Variants in SEPTIN9 observed in about 807,000 individuals in gnomAD.
The protein encoded by SEPTIN9 is septin 9, also known as septin-9.
Under a neutral mutation model 56.6 loss-of-function variants are expected in SEPTIN9, and 13 were observed. The observed-to-expected ratio is 0.23, with a 90% confidence interval of 0.15 to 0.37. SEPTIN9 has a LOEUF of 0.37. Ranked by LOEUF, SEPTIN9 falls within the 10% of genes least tolerant of loss-of-function variation. The probability of loss-of-function intolerance (pLI) is 1.00; values close to 1 mark genes in which losing one functional copy is unlikely to be tolerated. For missense variants in SEPTIN9, 650 were observed against 823.1 expected, an observed-to-expected ratio of 0.79 and a Z score of 2.57; for synonymous variants, 332 against 334.1, an observed-to-expected ratio of 0.99 and a Z score of 0.07.
rs935094544 is a variant in SEPTIN9, at chr17:77,329,499, C to A, written c.76+22302C>A. Among the ~76,000 whole-genome samples, 9 of 152,024 alleles carry A rather than the reference C, an allele frequency of 5.9e-5. No individual in the cohort carries two copies. The highest frequency in any genetic ancestry group is 1.7e-4 in the African/African-American group (7 of 41,392). ...TTGGTACACTTGGCCGTGGGTGAGG[C>A]CAAGGTGGTTTGGATCCTGGGAAGG... On this transcript the variant is annotated intron_variant, in intron 2 of 11. Coordinates refer to ENST00000427177, the MANE Select transcript of SEPTIN9 (RefSeq NM_001113491.2). This position sits in a 1 kb window ranked among gnomAD's most constrained non-coding sequence, Gnocchi z 4.3.
At chr17:77,281,614 G>A in intron 1 of SEPTIN9, 60 bp downstream of exon 1, 5 of 1,479,616 alleles carry the variant, frequency 3.4e-6, no homozygotes, top group Non-Finnish European at 3.6e-6. Context: ...CTGCTCACCT[G>A]AGTGCCTGCG....
intron 3 of SEPTIN9, among the ~76,000 whole-genome samples, chr17:77,439,511 G>A (rs1215846297): frequency 6.6e-6 from 1 of 152,178 alleles, no homozygotes; most frequent in Non-Finnish European, 1.5e-5. Flanking sequence ...TTGGCTGGTG[G>A]GCGTCCCCAC....
chr17:77,282,289 T>A (rs1241188678), intron 1 of SEPTIN9, among the ~76,000 whole-genome samples: 13 of 152,078 alleles, frequency 8.5e-5, no homozygotes. Context: ...TCATTATTTG[T>A]CTTTTCCTTC....
intron 2 of SEPTIN9, among the ~76,000 whole-genome samples, chr17:77,307,536 A>C (rs951166325): frequency 1.3e-5 from 2 of 149,940 alleles, no homozygotes; most frequent in African/African-American, 4.9e-5. Flanking sequence ...TGTGCCATGG[A>C]CAGGTGGCTT....
Position 77,490,098 on chromosome 17 carries a change from C to T in SEPTIN9, c.1263-644C>T, listed in dbSNP as rs367546722. ...GGCGTCCAGTCCCATGGGGCAGGGG[C>T]GGGCCTTGGCCATCTCTGCTTAAAC... On this transcript the variant is annotated intron_variant, in intron 7 of 11. Transcript: ENST00000427177. Among the ~76,000 whole-genome samples, 99 of 152,344 alleles carry T rather than the reference C, an allele frequency of 6.5e-4. 1 individual carries two copies. The South Asian group carries it at 0.016, about 25-fold the overall frequency.
At chr17:77,484,436 A>ATGGTGG (rs1359480015) in intron 4 of SEPTIN9, among the ~76,000 whole-genome samples, 1 of 28,922 alleles carries the variant, frequency 3.5e-5, no homozygotes, top group African/African-American at 4.3e-4. Flanking sequence ...GGTGATGGTG[A>ATGGTGG]TGGTGGTGAT....
At chr17:77,282,300 C>CA (rs1555639185) in intron 1 of SEPTIN9, among the ~76,000 whole-genome samples, 3 of 149,652 alleles carry the variant, frequency 2.0e-5, no homozygotes, top group Non-Finnish European at 3.0e-5. Flanking sequence ...CTTTTCCTTC[C>CA]TTTTTTTTTT....
intron 2 of SEPTIN9, among the ~76,000 whole-genome samples, chr17:77,352,405 T>TCAAAAACAAAAACAAAAA (rs57563817): frequency 4.1e-5 from 6 of 147,432 alleles, no homozygotes; most frequent in African/African-American, 1.3e-4. Context: ...AGACTCCGTC[T>TCAAAAACAAAAACAAAAA]CAAAAACAAA....
At chr17:77,345,107 A>G (rs770505109) in intron 2 of SEPTIN9, among the ~76,000 whole-genome samples, 4 of 152,068 alleles carry the variant, frequency 2.6e-5, no homozygotes, top group Non-Finnish European at 4.4e-5. Flanking sequence ...TGAGGTCCCT[A>G]GAGTAGTCAA....
intron 1 of SEPTIN9, among the ~76,000 whole-genome samples, chr17:77,300,139 C>G (rs1420456137): frequency 6.6e-6 from 1 of 152,072 alleles, no homozygotes; most frequent in Non-Finnish European, 1.5e-5. Context: ...GTCTTTTCAC[C>G]CAGGTTGGAG....
At chr17:77,452,075 G>A (rs952117471) in intron 3 of SEPTIN9, among the ~76,000 whole-genome samples, 1 of 152,242 alleles carries the variant, frequency 6.6e-6, no homozygotes, top group Non-Finnish European at 1.5e-5. Flanking sequence ...CTACAGCGCA[G>A]CTCTGGATTC....
At chr17:77,354,001 G>C (rs1233062787) in intron 2 of SEPTIN9, among the ~76,000 whole-genome samples, 2 of 152,172 alleles carry the variant, frequency 1.3e-5, no homozygotes, top group Non-Finnish European at 2.9e-5. Flanking sequence ...AGGGTCCCTA[G>C]AACAAGGCTC....
intron 3 of SEPTIN9, among the ~76,000 whole-genome samples, chr17:77,418,808 G>A (rs971570950): frequency 6.6e-6 from 1 of 152,206 alleles, no homozygotes; most frequent in Non-Finnish European, 1.5e-5. Context: ...AGGTAGTCAT[G>A]TAGGTCTGTG....
chr17:77,324,878 G>T (rs896888537), intron 2 of SEPTIN9, among the ~76,000 whole-genome samples: 1 of 147,194 alleles, frequency 6.8e-6, no homozygotes, highest in Admixed American at 6.9e-5. Context: ...GAGTGCAGTG[G>T]CATGATCTTG....
intron 3 of SEPTIN9, among the ~76,000 whole-genome samples, chr17:77,403,721 C>T (rs1329879511): frequency 1.3e-5 from 2 of 152,240 alleles, no homozygotes; most frequent in Admixed American, 1.3e-4. Flanking sequence ...GGACAAACAG[C>T]ACAGTCTGGG....
chr17:77,390,627 G>T (rs1247159705), intron 2 of SEPTIN9, among the ~76,000 whole-genome samples: 4 of 151,268 alleles, frequency 2.6e-5, no homozygotes, highest in African/African-American at 9.7e-5. Flanking sequence ...AATTTTTTGT[G>T]TTTTTAGTAG....
rs367934946 is a variant in SEPTIN9 at position 77,348,294 on chromosome 17, GTTTTTTT to G, written c.76+41113_76+41119del. Among the ~76,000 whole-genome samples, 8 of 89,752 alleles carry G rather than the reference GTTTTTTT, an allele frequency of 8.9e-5. 1 individual carries two copies. The highest frequency in any genetic ancestry group is 3.2e-4 in the African/African-American group (7 of 22,172). 58.9% of individuals were successfully genotyped at this position (89,752 alleles called of 152,430 possible). ...TTTTTAGAATTCTATTTTAATTTAT[GTTTTTTT>G]TTTTTTTTTTTTTTTAAGACAGAGT... On this transcript the variant is annotated intron_variant, in intron 2 of 11. Transcript: ENST00000427177.
intron 3 of SEPTIN9, among the ~76,000 whole-genome samples, chr17:77,428,359 C>T (rs984013273): frequency 1.6e-4 from 25 of 152,186 alleles, no homozygotes; most frequent in Admixed American, 1.4e-3. Flanking sequence ...GGGAGACAGG[C>T]GAAGCGGTCA....
At chr17:77,491,663 G>A (rs1025099663) in intron 8 of SEPTIN9, among the ~76,000 whole-genome samples, 3 of 151,748 alleles carry the variant, frequency 2.0e-5, no homozygotes, top group African/African-American at 4.8e-5. Flanking sequence ...AATATTAGTC[G>A]GGCATGGTGG....
Sources: gnomAD v4.1 joint callset for allele counts (sites outside exome capture counted in the v4.1 genomes callset) on GRCh38, gnomAD v4.1.1 for gene constraint, Gnocchi (gnomAD v3.1) non-coding constraint, MANE v1.5 for transcripts, NCBI Gene and HGNC (gene_info 2026-07-23, HGNC 2026-07-21) for gene names.